PLEKHA7: variants seen among roughly 807,000 people sequenced by gnomAD.
PLEKHA7 encodes the protein pleckstrin homology domain containing A7, also known as pleckstrin homology domain-containing family A member 7.
Under a neutral mutation model 170.0 loss-of-function variants are expected in PLEKHA7, and 104 were observed. The ratio of observed to expected loss-of-function variants is 0.61; its 90% CI spans 0.52 to 0.72. The LOEUF (loss-of-function observed/expected upper bound fraction) is 0.72, where lower values mean the gene tolerates loss of function less well. Ranked by LOEUF, PLEKHA7 falls within the 30% of genes least tolerant of loss-of-function variation. The pLI is 0.00. For synonymous variants in PLEKHA7, 648 were observed against 660.8 expected, an observed-to-expected ratio of 0.98 and a Z score of 0.30; for missense variants, 1,615 against 1,671.7, an observed-to-expected ratio of 0.97 and a Z score of 0.59.
At chr11:16,901,968 A>C (rs1008411267) in intron 3 of PLEKHA7, among the ~76,000 whole-genome samples, 1 of 152,184 alleles carries the variant, frequency 6.6e-6, no homozygotes, top group Non-Finnish European at 1.5e-5. Context: ...TCATTGCCCT[A>C]AATGGAAGTC....
In PLEKHA7 at chr11:16,926,904, G is replaced by A. The variant is rs373601124; in HGVS notation, c.222-55722C>T. On this transcript the variant is annotated intron_variant, in intron 3 of 26. Coordinates refer to ENST00000531066, the MANE Select transcript of PLEKHA7 (RefSeq NM_001329630.2). ...GGCTGTCCTACCTCTGCAAAAGAGC[G>A]CTGTACAGGAATTTGGGAACCTTCA... Among the ~76,000 whole-genome samples the A allele has an allele frequency of 9.1e-4, 139 of 152,296 alleles. 1 individual carries two copies. Among genetic ancestry groups the A allele is most frequent in the African/African-American group, 3.0e-3 (126 of 41,572 alleles).
At chr11:16,855,296 CA>C (rs1211036792) in intron 5 of PLEKHA7, among the ~76,000 whole-genome samples, 1 of 152,170 alleles carries the variant, frequency 6.6e-6, no homozygotes, top group Non-Finnish European at 1.5e-5. Context: ...CTTTCTGGAG[CA>C]AAGCTAATTT....
intron 3 of PLEKHA7, among the ~76,000 whole-genome samples, chr11:16,875,500 G>T (rs1855218030): frequency 6.6e-6 from 1 of 151,762 alleles, no homozygotes. Context: ...AGGCTGGAGT[G>T]CAGTGGAACG....
intron 9 of PLEKHA7, among the ~76,000 whole-genome samples, chr11:16,827,949 T>C (rs1850793005): frequency 6.6e-6 from 1 of 152,106 alleles, no homozygotes; most frequent in Non-Finnish European, 1.5e-5. Context: ...TACATTTCGG[T>C]GGCCACACCC....
Position 17,014,195 on chromosome 11 carries a change from C to CTGGTCACTGCGGGCAGAGAGG in PLEKHA7, c.87-15_92dup (p.Asp30_Gln31insHisLeuSerAlaArgSerAsp), listed in dbSNP as rs760999068. The CTGGTCACTGCGGGCAGAGAGG allele has an allele frequency of 6.3e-7, 1 of 1,589,426 alleles. No individual in the cohort carries two copies. Among genetic ancestry groups the CTGGTCACTGCGGGCAGAGAGG allele is most frequent in the Non-Finnish European group, 8.5e-7 (1 of 1,170,358 alleles). On this transcript the variant is annotated inframe_insertion, in exon 2 of 27. Coordinates refer to ENST00000531066, the MANE Select transcript of PLEKHA7 (RefSeq NM_001329630.2). Reference sequence around the variant, plus strand: ...GATGCAGCCAGGTCGTGCAGCGGAGCTGGTCACTGCGGGCAGAGAGGTGCA... The same window carrying CTGGTCACTGCGGGCAGAGAGG: ...GATGCAGCCAGGTCGTGCAGCGGAGCTGGTCACTGCGGGCAGAGAGGTGGTCACTGCGGGCAGAGAGGTGCA...
At chr11:16,845,777 G>GT (rs1852350734) in intron 8 of PLEKHA7, among the ~76,000 whole-genome samples, 2 of 152,184 alleles carry the variant, frequency 1.3e-5, no homozygotes, top group Non-Finnish European at 2.9e-5. Flanking sequence ...GTGAGGGGGG[G>GT]ATGGGTCAGG....
At chr11:16,848,731 C>T (rs1352734485) in intron 8 of PLEKHA7, among the ~76,000 whole-genome samples, 1 of 152,148 alleles carries the variant, frequency 6.6e-6, no homozygotes, top group African/African-American at 2.4e-5. Context: ...TTGTGACCTG[C>T]TTTCTTAACT....
In PLEKHA7 at chr11:16,817,049, C is replaced by T. The variant is rs199887803; in HGVS notation, c.1617G>A (p.Ala539=). ...RQQFRHGSPT[A]PICLGSPEFT... Reference sequence around the variant, plus strand: ...ACTCTGGGGAGCCAAGGCAGATGGGCGCTGTGGGGCTGCCGTGCCGGAACT... The same window carrying T: ...ACTCTGGGGAGCCAAGGCAGATGGGTGCTGTGGGGCTGCCGTGCCGGAACT... The change falls in exon 11 of 27, where the codon GCG becomes GCA. Residue 539 remains alanine (A), a synonymous_variant. Transcript: ENST00000531066. This position sits in a 1 kb window ranked among gnomAD's most constrained non-coding sequence, Gnocchi z 4.4. 5.9e-5 allele frequency: 95 copies of T among 1,608,552 alleles called. No homozygotes were observed. The Middle Eastern group carries it at 6.6e-4, about 11-fold the overall frequency.
chr11:16,927,170 T>C (rs997201599), intron 3 of PLEKHA7, among the ~76,000 whole-genome samples: 1 of 152,136 alleles, frequency 6.6e-6, no homozygotes, highest in African/African-American at 2.4e-5. Context: ...CAAAGCGAGA[T>C]CTTGTCTCAA....
intron 3 of PLEKHA7, among the ~76,000 whole-genome samples, chr11:16,976,749 G>A (rs775183124): frequency 2.2e-4 from 34 of 152,186 alleles, no homozygotes; most frequent in Non-Finnish European, 3.8e-4. Context: ...AGAGCGGTTC[G>A]GATGTCTTCC....
At chr11:16,882,100 G>A (rs929869662) in intron 3 of PLEKHA7, among the ~76,000 whole-genome samples, 5 of 152,200 alleles carry the variant, frequency 3.3e-5, no homozygotes, top group African/African-American at 1.2e-4. Flanking sequence ...GCAGAGACTA[G>A]TGTTTTCACA....
In PLEKHA7 at chr11:16,950,067, G is replaced by A. The variant is rs138961991; in HGVS notation, c.221+63922C>T. Among the ~76,000 whole-genome samples, 201 of 128,658 alleles carry A rather than the reference G, an allele frequency of 1.6e-3. 1 individual carries two copies. Among genetic ancestry groups the A allele is most frequent in the African/African-American group, 5.5e-3 (190 of 34,804 alleles). 84.4% of individuals were successfully genotyped at this position (128,658 alleles called of 152,430 possible). On this transcript the variant is annotated intron_variant, in intron 3 of 26. Coordinates refer to ENST00000531066, the MANE Select transcript of PLEKHA7 (RefSeq NM_001329630.2). ...TGGTTAAGGGGGGAGTGAAGGCAGA[G>A]TAAAGTGTGTGTGGGGCGGGGGGCG...
intron 26 of PLEKHA7, chr11:16,780,812 G>C (rs1236368775): frequency 5.4e-6 from 1 of 184,012 alleles, no homozygotes; most frequent in Admixed American, 6.5e-5. Context: ...CCCGCCAGCG[G>C]CCGCTTTGCC....
At chr11:16,936,559 A>G (rs1860319756) in intron 3 of PLEKHA7, among the ~76,000 whole-genome samples, 1 of 152,142 alleles carries the variant, frequency 6.6e-6, no homozygotes, top group Non-Finnish European at 1.5e-5. Context: ...TCTCCCAATC[A>G]TTGGGCAAAT....
At chr11:16,966,174 C>T (rs1454441854) in intron 3 of PLEKHA7, among the ~76,000 whole-genome samples, 1 of 152,084 alleles carries the variant, frequency 6.6e-6, no homozygotes, top group Non-Finnish European at 1.5e-5. Context: ...CAGAGCAAGA[C>T]TCCATCTAAA....
intron 3 of PLEKHA7, among the ~76,000 whole-genome samples, chr11:16,919,840 G>A (rs1299550744): frequency 6.6e-6 from 1 of 152,178 alleles, no homozygotes; most frequent in African/African-American, 2.4e-5. Context: ...ATCAGAGAGA[G>A]AGAAAGGATG....
intron 10 of PLEKHA7, among the ~76,000 whole-genome samples, chr11:16,820,239 C>CA (rs1250642606): frequency 6.6e-6 from 1 of 152,186 alleles, no homozygotes; most frequent in Non-Finnish European, 1.5e-5. Context: ...AAACTCAACT[C>CA]ATTTAATCAC....
In PLEKHA7 at chr11:16,865,406, A is replaced by C. The variant is rs144378886; in HGVS notation, c.305+5693T>G. 3.3e-5 allele frequency among the ~76,000 whole-genome samples: 5 copies of C among 152,354 alleles called. No homozygotes were observed. The East Asian group carries it at 7.7e-4, about 24-fold the overall frequency. ...GGGGTGTAACAAAAAACTGGGTAGCATAACAGAAAAGGTCAAATGAGAAAA... is the reference window on the plus strand; with the variant it reads ...GGGGTGTAACAAAAAACTGGGTAGCCTAACAGAAAAGGTCAAATGAGAAAA... On this transcript the variant is annotated intron_variant, in intron 4 of 26. Coordinates refer to ENST00000531066, the MANE Select transcript of PLEKHA7 (RefSeq NM_001329630.2).
intron 9 of PLEKHA7, among the ~76,000 whole-genome samples, chr11:16,827,037 G>T (rs552064351): frequency 1.3e-5 from 2 of 152,266 alleles, no homozygotes; most frequent in South Asian, 4.1e-4. Flanking sequence ...ACATTCCCAT[G>T]AAGACCACTC....
Sources: gnomAD v4.1 joint callset for allele counts (sites outside exome capture counted in the v4.1 genomes callset) on GRCh38, gnomAD v4.1.1 for gene constraint, Gnocchi (gnomAD v3.1) non-coding constraint, MANE v1.5 for transcripts, NCBI Gene and HGNC (gene_info 2026-07-23, HGNC 2026-07-21) for gene names.